The following RNF152 variants were observed in gnomAD, a reference collection of about 807,000 sequenced individuals.
RNF152 encodes the protein ring finger protein 152.
RNF152 carries 11 observed loss-of-function variants against 12.7 expected under a neutral mutation model. That is an observed-to-expected ratio of 0.86 (90% CI 0.54 to 1.43). The LOEUF (loss-of-function observed/expected upper bound fraction) is 1.43. Among genes scored for constraint, RNF152 ranks in the 40% most tolerant of loss-of-function variants. The pLI is 0.00. For synonymous variants in RNF152, 113 were observed against 120.3 expected, an observed-to-expected ratio of 0.94 and a Z score of 0.40; for missense variants, 255 against 274.8, an observed-to-expected ratio of 0.93 and a Z score of 0.51.
At chr18:61,837,944 C>T (rs1910263043) in intron 1 of RNF152, among the ~76,000 whole-genome samples, 1 of 152,106 alleles carries the variant, frequency 6.6e-6, no homozygotes, top group African/African-American at 2.4e-5. Flanking sequence ...CATCTCCTGC[C>T]CTCCTGTCTT....
intron 1 of RNF152, among the ~76,000 whole-genome samples, chr18:61,836,750 T>C (rs1344856334): frequency 6.6e-6 from 1 of 151,854 alleles, no homozygotes; most frequent in Non-Finnish European, 1.5e-5. Flanking sequence ...CTTGACTCCA[T>C]AGTAACACTC....
chr18:61,829,041 G>C (rs1909807046), intron 1 of RNF152, among the ~76,000 whole-genome samples: 1 of 152,178 alleles, frequency 6.6e-6, no homozygotes, highest in African/African-American at 2.4e-5. Flanking sequence ...CAGAGACCAA[G>C]ACGAGGGGAG....
At chr18:61,850,821 C>T (rs1910937389) in intron 1 of RNF152, among the ~76,000 whole-genome samples, 1 of 152,276 alleles carries the variant, frequency 6.6e-6, no homozygotes, top group South Asian at 2.1e-4. Context: ...CTTGCAGCCT[C>T]CCCCTGAGCA....
At chr18:61,851,093 A>T (rs1910951657) in intron 1 of RNF152, among the ~76,000 whole-genome samples, 1 of 151,326 alleles carries the variant, frequency 6.6e-6, no homozygotes, top group Admixed American at 6.6e-5. Flanking sequence ...CAATGATTAA[A>T]AAAAAAAAAA....
chr18:61,834,061 C>T lies in RNF152; in HGVS notation c.-135-17463G>A, dbSNP rs1326322427. Among the ~76,000 whole-genome samples the T allele has an allele frequency of 2.0e-5, 3 of 152,210 alleles. No homozygotes were observed. In the East Asian group the frequency reaches 5.8e-4, roughly 29 times the overall value. On this transcript the variant is annotated intron_variant, in intron 1 of 1. Coordinates refer to ENST00000312828, the MANE Select transcript of RNF152 (RefSeq NM_173557.3). Reference sequence around the variant, plus strand: ...TATTAAGCACCTACTATGTACCAGACACTGGAGCAAAAGATGTGACCCCTG... The same window carrying T: ...TATTAAGCACCTACTATGTACCAGATACTGGAGCAAAAGATGTGACCCCTG...
Position 61,814,122 on chromosome 18 carries a change from G to A in RNF152, c.*1730C>T, listed in dbSNP as rs573626378. 1 of 152,290 alleles carries A rather than the reference G, an allele frequency of 6.6e-6. No individual in the cohort carries two copies. The highest frequency in any genetic ancestry group is 2.1e-4 in the South Asian group (1 of 4,822). 9.4% of individuals were successfully genotyped at this position (152,290 alleles called of 1,614,324 possible). A position where few individuals can be genotyped will look rare whatever the true frequency, so the allele number is the denominator to read the frequency against. On this transcript the variant is annotated 3_prime_UTR_variant, in exon 2 of 2. Transcript: ENST00000312828. ...TGTTGAATTCTCATGCCAATTAGCA[G>A]TATTAGCTTTGTATTCTAGCCATTA...
chr18:61,838,056 C>T (rs1346323314), intron 1 of RNF152, among the ~76,000 whole-genome samples: 1 of 152,166 alleles, frequency 6.6e-6, no homozygotes, highest in Non-Finnish European at 1.5e-5. Context: ...GCTTCCCGTC[C>T]CCACATACAA....
chr18:61,825,996 T>A (rs1258246018), intron 1 of RNF152, among the ~76,000 whole-genome samples: 3 of 152,214 alleles, frequency 2.0e-5, no homozygotes, highest in Non-Finnish European at 4.4e-5. Flanking sequence ...GGGCAGGTAG[T>A]ATATCCAGCT....
At chr18:61,850,921 G>C (rs954814491) in intron 1 of RNF152, among the ~76,000 whole-genome samples, 1 of 151,880 alleles carries the variant, frequency 6.6e-6, no homozygotes, top group Non-Finnish European at 1.5e-5. Flanking sequence ...TGCAGCTCTG[G>C]GCACACGGAA....
intron 1 of RNF152, among the ~76,000 whole-genome samples, chr18:61,869,710 T>C (rs1911896818): frequency 6.6e-6 from 1 of 152,034 alleles, no homozygotes; most frequent in East Asian, 1.9e-4. Flanking sequence ...GTCCAGTAAA[T>C]GAATGAAAAG....
At chr18:61,845,416 G>C (rs1235119833) in intron 1 of RNF152, among the ~76,000 whole-genome samples, 2 of 152,240 alleles carry the variant, frequency 1.3e-5, no homozygotes, top group East Asian at 1.9e-4. Flanking sequence ...TGGGCACGCA[G>C]AGCAAACCAC....
At chr18:61,817,133 C>T (rs1909145693) in intron 1 of RNF152, among the ~76,000 whole-genome samples, 1 of 152,206 alleles carries the variant, frequency 6.6e-6, no homozygotes, top group African/African-American at 2.4e-5. Context: ...GATTGTTCCT[C>T]TTCACAGAGA....
chr18:61,873,414 C>T (rs1372392484), intron 1 of RNF152, among the ~76,000 whole-genome samples: 7 of 152,156 alleles, frequency 4.6e-5, no homozygotes, highest in African/African-American at 9.7e-5. Context: ...CTCGGCTCAC[C>T]GCAACCTCTG....
chr18:61,841,039 G>A lies in RNF152; in HGVS notation c.-135-24441C>T, dbSNP rs575238211. On this transcript the variant is annotated intron_variant, in intron 1 of 1. Coordinates refer to ENST00000312828, the MANE Select transcript of RNF152 (RefSeq NM_173557.3). ...TCCTACCACCTACTGCAGGAGGCTG[G>A]CATGGGGTGAGAAAGACCCATGGGG... Among the ~76,000 whole-genome samples the A allele has an allele frequency of 2.0e-5, 3 of 152,334 alleles. No homozygotes were observed. In the South Asian group the frequency reaches 6.2e-4, roughly 32 times the overall value.
intron 1 of RNF152, among the ~76,000 whole-genome samples, chr18:61,844,350 T>C (rs887292498): frequency 1.3e-5 from 2 of 152,180 alleles, no homozygotes; most frequent in Admixed American, 1.3e-4. Context: ...GTCAAATTCA[T>C]GAGCAAATAT....
At chr18:61,889,154 C>T (rs1247019997) in intron 1 of RNF152, among the ~76,000 whole-genome samples, 1 of 152,132 alleles carries the variant, frequency 6.6e-6, no homozygotes, top group East Asian at 1.9e-4. Context: ...TTGGGTGCTA[C>T]ATCTTATCAC....
intron 1 of RNF152, among the ~76,000 whole-genome samples, chr18:61,879,816 T>G (rs1912382018): frequency 6.6e-6 from 1 of 151,600 alleles, no homozygotes; most frequent in Non-Finnish European, 1.5e-5. Flanking sequence ...AAATACAAAA[T>G]TAGCCAGGTG....
chr18:61,875,239 A>G (rs1180501259), intron 1 of RNF152: 1 of 152,248 alleles, frequency 6.6e-6, no homozygotes, highest in Non-Finnish European at 1.5e-5. Flanking sequence ...GGATCTTCCA[A>G]CCAGATTCCC....
At chr18:61,858,925 C>T (rs995617049) in intron 1 of RNF152, among the ~76,000 whole-genome samples, 7 of 152,124 alleles carry the variant, frequency 4.6e-5, no homozygotes, top group Non-Finnish European at 8.8e-5. Context: ...TTTGGGGTCC[C>T]CTGGCTTTGT....
Sources: gnomAD v4.1 joint callset for allele counts (sites outside exome capture counted in the v4.1 genomes callset) on GRCh38, gnomAD v4.1.1 for gene constraint, MANE v1.5 for transcripts, NCBI Gene and HGNC (gene_info 2026-07-23, HGNC 2026-07-21) for gene names.